DPYSL3: variants seen among roughly 807,000 people sequenced by gnomAD.
DPYSL3 encodes the protein dihydropyrimidinase-related protein 3.
In DPYSL3, 16 loss-of-function variants were observed where a neutral mutation model predicts 66.1. That is an observed-to-expected ratio of 0.24 (90% CI 0.16 to 0.37). The LOEUF (loss-of-function observed/expected upper bound fraction) is 0.37, where lower values mean the gene tolerates loss of function less well. DPYSL3 is among the 10% of genes least tolerant of loss of function. DPYSL3 has a pLI of 1.00. For synonymous variants in DPYSL3, 338 were observed against 345.1 expected, an observed-to-expected ratio of 0.98 and a Z score of 0.23; for missense variants, 738 against 916.2, an observed-to-expected ratio of 0.81 and a Z score of 2.51.
At position 147,456,968 on chromosome 5, in the gene DPYSL3, T is replaced by A. The variant is rs188563907; in HGVS notation, c.382-32005A>T. ...AGTTTCTTCCTGTGTTTAGCCATCA[T>A]TTGGCTATCACCTGAATTATTGTAA... is the stretch of plus-strand genomic sequence containing the variant. On this transcript the variant is annotated intron_variant, in intron 1 of 13. Transcript: ENST00000343218. Among the ~76,000 whole-genome samples, 122 of 152,294 alleles carry A rather than the reference T, an allele frequency of 8.0e-4. No individual in the cohort carries two copies. In the Middle Eastern group the frequency reaches 0.01, roughly 13 times the overall value.
chr5:147,395,807 A>G lies in DPYSL3; in HGVS notation c.1804-86T>C, dbSNP rs1435535444. On this transcript the variant is annotated intron_variant, in intron 12 of 13. Coordinates refer to ENST00000343218, the MANE Select transcript of DPYSL3 (RefSeq NM_001197294.2). ...GTATCATAAATATATTAGTGAATACAGTGTGTGGTGGGAGCTAGGAATTAA... is the reference window on the plus strand; with the variant it reads ...GTATCATAAATATATTAGTGAATACGGTGTGTGGTGGGAGCTAGGAATTAA... The G allele has an allele frequency of 2.3e-5, 35 of 1,491,762 alleles. No homozygotes were observed. In the East Asian group the frequency reaches 6.8e-4, roughly 29 times the overall value. 92.4% of individuals were successfully genotyped at this position (1,491,762 alleles called of 1,614,324 possible). A position where few individuals can be genotyped will look rare whatever the true frequency, so the allele number is the denominator to read the frequency against.
intron 10 of DPYSL3, among the ~76,000 whole-genome samples, 169 bp downstream of exon 10, chr5:147,400,523 G>A (rs73794715): frequency 0.031 from 4,789 of 152,280 alleles, 264 homozygotes; most frequent in African/African-American, 0.11. Context: ...CATCACACTA[G>A]AAGGAAATTT....
intron 6 of DPYSL3, 118 bp from the exon 7 acceptor site, chr5:147,408,914 A>G: frequency 1.0e-6 from 1 of 985,312 alleles, no homozygotes; most frequent in Non-Finnish European, 1.6e-6. Flanking sequence ...GAACAGATGT[A>G]TTAATCCTAT....
At chr5:147,461,412 A>T (rs1052565670) in intron 1 of DPYSL3, among the ~76,000 whole-genome samples, 2 of 152,070 alleles carry the variant, frequency 1.3e-5, no homozygotes, top group African/African-American at 2.4e-5. Flanking sequence ...AAACCCCTGC[A>T]TTTCACCATA....
At chr5:147,426,880 A>C (rs1188018694) in intron 1 of DPYSL3, among the ~76,000 whole-genome samples, 2 of 152,220 alleles carry the variant, frequency 1.3e-5, no homozygotes, top group Non-Finnish European at 2.9e-5. Context: ...TTAAAGATAC[A>C]GATCAATGAA....
At chr5:147,394,191 G>T (rs1239456033) in intron 13 of DPYSL3, 68 bp from the exon 14 acceptor site, 96 of 1,510,180 alleles carry the variant, frequency 6.4e-5, no homozygotes, top group Non-Finnish European at 8.8e-5. Flanking sequence ...ATGTGGGCAA[G>T]AGAGAAACTG....
At position 147,509,349 on chromosome 5, in the gene DPYSL3, G is replaced by T; in HGVS notation, c.381+129C>A. ...AGTCGCGCTACGCTCAGTGGAGGATGACCCTTTCCTCCTCCTTGTCCCCCA... is the reference window on the plus strand; with the variant it reads ...AGTCGCGCTACGCTCAGTGGAGGATTACCCTTTCCTCCTCCTTGTCCCCCA... On this transcript the variant is annotated intron_variant, in intron 1 of 13. Coordinates refer to ENST00000343218, the MANE Select transcript of DPYSL3 (RefSeq NM_001197294.2). The surrounding 1 kb of genome is among the most constrained non-coding windows in gnomAD (Gnocchi z 5.3). The T allele has an allele frequency of 8.0e-7, 1 of 1,256,406 alleles. No individual in the cohort carries two copies. The highest frequency in any genetic ancestry group is 1.1e-6 in the Non-Finnish European group (1 of 940,002). The allele number at this position is 1,256,406 out of a possible 1,614,324, so 77.8% of individuals were successfully genotyped here. A position where few individuals can be genotyped will look rare whatever the true frequency, so the allele number is the denominator to read the frequency against.
At chr5:147,420,009 G>A (rs1411342368) in intron 2 of DPYSL3, among the ~76,000 whole-genome samples, 2 of 152,152 alleles carry the variant, frequency 1.3e-5, no homozygotes, top group Non-Finnish European at 2.9e-5. Context: ...TACCAAGCCT[G>A]AAATAGAAAT....
chr5:147,437,385 A>G (rs1438260597), intron 1 of DPYSL3, among the ~76,000 whole-genome samples: 1 of 152,210 alleles, frequency 6.6e-6, no homozygotes, highest in Non-Finnish European at 1.5e-5. Context: ...GACAGGCAAT[A>G]GCTCCCCATC....
At chr5:147,464,109 T>A (rs1434146922) in intron 1 of DPYSL3, among the ~76,000 whole-genome samples, 1 of 152,104 alleles carries the variant, frequency 6.6e-6, no homozygotes, top group Non-Finnish European at 1.5e-5. Flanking sequence ...GAAGCTACCA[T>A]CCTGAGTGTG....
In DPYSL3 at chr5:147,474,389, A is replaced by C. The variant is rs140491670; in HGVS notation, c.381+35089T>G. ...AATGATAATGATACTACGCAGGCAGAATCCTAAGTGCTTTTATCTGCATTT... is the reference window on the plus strand; with the variant it reads ...AATGATAATGATACTACGCAGGCAGCATCCTAAGTGCTTTTATCTGCATTT... On this transcript the variant is annotated intron_variant, in intron 1 of 13. Coordinates refer to ENST00000343218, the MANE Select transcript of DPYSL3 (RefSeq NM_001197294.2). 9.1e-3 allele frequency among the ~76,000 whole-genome samples: 1,382 copies of C among 152,232 alleles called. 17 individuals carry two copies. Among genetic ancestry groups the C allele is most frequent in the African/African-American group, 0.031 (1,298 of 41,562 alleles).
rs185563923 is a variant in DPYSL3, at chr5:147,505,872, G to A, written c.381+3606C>T. Among the ~76,000 whole-genome samples the A allele has an allele frequency of 3.4e-4, 52 of 152,284 alleles. 1 individual carries two copies. The highest frequency in any genetic ancestry group is 1.2e-3 in the African/African-American group (48 of 41,540). ...ATATTGACATGTCAGGAGCTGACACGACGGCCAGGCTGGTCATATTAAAAT... is the reference window on the plus strand; with the variant it reads ...ATATTGACATGTCAGGAGCTGACACAACGGCCAGGCTGGTCATATTAAAAT... On this transcript the variant is annotated intron_variant, in intron 1 of 13. Coordinates refer to ENST00000343218, the MANE Select transcript of DPYSL3 (RefSeq NM_001197294.2).
At chr5:147,465,913 C>G (rs1350796966) in intron 1 of DPYSL3, among the ~76,000 whole-genome samples, 2 of 152,124 alleles carry the variant, frequency 1.3e-5, no homozygotes, top group Non-Finnish European at 2.9e-5. Flanking sequence ...GGAACACTCC[C>G]GAATAAACTT....
chr5:147,401,784 C>G (rs1399099651), intron 8 of DPYSL3, 88 bp from the exon 9 acceptor site: 1 of 1,508,508 alleles, frequency 6.6e-7, no homozygotes, highest in Non-Finnish European at 8.9e-7. Context: ...CTAAGCCTAC[C>G]CAGGACTGTG....
At chr5:147,436,280 T>A (rs1341368639) in intron 1 of DPYSL3, among the ~76,000 whole-genome samples, 1 of 152,176 alleles carries the variant, frequency 6.6e-6, no homozygotes, top group African/African-American at 2.4e-5. Context: ...TAATAAACTA[T>A]GATATCACCA....
chr5:147,480,720 A>G (rs988208975), intron 1 of DPYSL3, among the ~76,000 whole-genome samples: 1 of 147,752 alleles, frequency 6.8e-6, no homozygotes, highest in African/African-American at 2.5e-5. Context: ...TATTATTATT[A>G]TTATTATTAT....
At chr5:147,455,795 T>A (rs978186838) in intron 1 of DPYSL3, among the ~76,000 whole-genome samples, 11 of 152,190 alleles carry the variant, frequency 7.2e-5, no homozygotes, top group Admixed American at 2.0e-4. Context: ...CCTTTTTTTT[T>A]AATTTTACAA....
intron 1 of DPYSL3, among the ~76,000 whole-genome samples, chr5:147,468,382 T>A (rs1056505778): frequency 7.2e-5 from 11 of 152,256 alleles, no homozygotes; most frequent in African/African-American, 2.7e-4. Flanking sequence ...GCAATTTGCC[T>A]TTGTTTAGAA....
intron 1 of DPYSL3, among the ~76,000 whole-genome samples, chr5:147,464,704 C>G (rs1752986148): frequency 6.6e-6 from 1 of 152,176 alleles, no homozygotes. Context: ...GACTCTGCCC[C>G]TTCCATGTCC....
Sources: allele counts gnomAD v4.1 joint callset (sites outside exome capture counted in the v4.1 genomes callset), GRCh38; gene constraint gnomAD v4.1.1; non-coding constraint Gnocchi (gnomAD v3.1); transcripts MANE v1.5; gene names NCBI Gene and HGNC (gene_info 2026-07-23, HGNC 2026-07-21).